The following EYA4 variants were observed in gnomAD, a reference collection of about 807,000 sequenced individuals.
EYA4 encodes protein phosphatase EYA4.
In EYA4, 31 loss-of-function variants were observed where a neutral mutation model predicts 87.9. The ratio of observed to expected loss-of-function variants is 0.35; its 90% CI spans 0.27 to 0.48. The LOEUF is 0.48. Among genes scored for constraint, EYA4 ranks in the 20% least tolerant of loss-of-function variants. EYA4 has a pLI of 0.99. For missense variants in EYA4, 678 were observed against 761.4 expected (o/e 0.89, Z 1.29); for synonymous variants, 263 against 270.6 (o/e 0.97, Z 0.28).
rs1456335374 is a variant in EYA4, at chr6:133,246,076, C to A, written c.-66+4327C>A. 1.3e-5 allele frequency among the ~76,000 whole-genome samples: 2 copies of A among 152,152 alleles called. 1 individual carries two copies. The highest frequency in any genetic ancestry group is 2.9e-5 in the Non-Finnish European group (2 of 68,018). ...TAAAATAGAAACCATTTTGTGTTAT[C>A]AAAACCACATTTATATAGTGATTTG... On this transcript the variant is annotated intron_variant, in intron 1 of 19. Coordinates refer to ENST00000355286, the MANE Select transcript of EYA4 (RefSeq NM_004100.5).
intron 11 of EYA4, among the ~76,000 whole-genome samples, chr6:133,477,498 T>C (rs1021866375): frequency 1.3e-5 from 2 of 152,118 alleles, no homozygotes; most frequent in Admixed American, 1.3e-4. Flanking sequence ...AAGTTCCTTG[T>C]GTATTTTGGA....
At chr6:133,312,382 G>GCACACACACA (rs78921867) in intron 2 of EYA4, among the ~76,000 whole-genome samples, 46 of 147,900 alleles carry the variant, frequency 3.1e-4, no homozygotes, top group African/African-American at 1.1e-3. Flanking sequence ...AGAGGCGCGT[G>GCACACACACA]CACACACACA....
intron 9 of EYA4, among the ~76,000 whole-genome samples, chr6:133,463,038 C>T (rs1050958188): frequency 1.3e-5 from 2 of 152,128 alleles, no homozygotes; most frequent in African/African-American, 2.4e-5. Flanking sequence ...AGCCAGACAC[C>T]AGGTCAGCCA....
rs543835016 is a variant in EYA4, at chr6:133,446,621, C to T, written c.84-9C>T. The T allele has an allele frequency of 1.2e-6, 2 of 1,613,834 alleles. No homozygotes were observed. Among genetic ancestry groups the T allele is most frequent in the Non-Finnish European group, 1.7e-6 (2 of 1,179,860 alleles). On this transcript the variant is annotated splice_polypyrimidine_tract_variant and intron_variant, in intron 3 of 19. Coordinates refer to ENST00000355286, the MANE Select transcript of EYA4 (RefSeq NM_004100.5). The stretch of plus-strand genomic sequence containing the variant: ...TTCAACTTTTCTCTGCTGCTTACTG[C>T]TCTACCAGGTCTATGGAAATGCAGG...
chr6:133,290,624 T>C (rs1778414323), intron 2 of EYA4, among the ~76,000 whole-genome samples: 1 of 152,202 alleles, frequency 6.6e-6, no homozygotes, highest in Non-Finnish European at 1.5e-5. Flanking sequence ...TTAAATGCCT[T>C]GCCCACTTAA....
At chr6:133,383,347 T>C (rs1583126676) in intron 3 of EYA4, among the ~76,000 whole-genome samples, 1 of 152,026 alleles carries the variant, frequency 6.6e-6, no homozygotes, top group East Asian at 1.9e-4. Flanking sequence ...AAACCCCATC[T>C]CTACAAAAAT....
At position 133,258,728 on chromosome 6, in the gene EYA4, C is replaced by T. The variant is rs539991673; in HGVS notation, c.-65-15988C>T. ...CTCTTCCCTTGGAAGAGTTCTTTCCCGGGGGCTTTTTAGGTCCAAGAGCAT... is the reference window on the plus strand; with the variant it reads ...CTCTTCCCTTGGAAGAGTTCTTTCCTGGGGGCTTTTTAGGTCCAAGAGCAT... On this transcript the variant is annotated intron_variant, in intron 1 of 19. Coordinates refer to ENST00000355286, the MANE Select transcript of EYA4 (RefSeq NM_004100.5). 1.7e-4 allele frequency among the ~76,000 whole-genome samples: 26 copies of T among 152,054 alleles called. No homozygotes were observed. In the East Asian group the frequency reaches 1.8e-3, roughly 10 times the overall value.
chr6:133,276,729 T>G (rs1191431918), intron 2 of EYA4, among the ~76,000 whole-genome samples: 1 of 152,148 alleles, frequency 6.6e-6, no homozygotes, highest in African/African-American at 2.4e-5. Flanking sequence ...CTCATAAATG[T>G]GCAAAGAGAT....
intron 3 of EYA4, among the ~76,000 whole-genome samples, chr6:133,428,457 T>C (rs1790871117): frequency 6.6e-6 from 1 of 152,026 alleles, no homozygotes; most frequent in South Asian, 2.1e-4. Flanking sequence ...CTTAAAATGG[T>C]TTCAACTACA....
intron 3 of EYA4, among the ~76,000 whole-genome samples, chr6:133,427,735 T>G (rs1790797324): frequency 6.6e-6 from 1 of 151,904 alleles, no homozygotes; most frequent in African/African-American, 2.4e-5. Context: ...GAGAAAAAAA[T>G]TAGGGTAATT....
At chr6:133,298,716 C>T (rs1279880471) in intron 2 of EYA4, among the ~76,000 whole-genome samples, 1 of 152,168 alleles carries the variant, frequency 6.6e-6, no homozygotes, top group African/African-American at 2.4e-5. Flanking sequence ...ATATAAAGTG[C>T]TCACAGCAGT....
At chr6:133,248,223 C>G (rs1774577361) in intron 1 of EYA4, 1 of 152,188 alleles carries the variant, frequency 6.6e-6, no homozygotes, top group Non-Finnish European at 1.5e-5. Context: ...CTTGACATGA[C>G]TTTAGATTTT....
intron 10 of EYA4, 62 bp downstream of exon 10, chr6:133,464,920 C>A: frequency 1.8e-6 from 2 of 1,112,962 alleles, no homozygotes; most frequent in Non-Finnish European, 2.7e-6. Context: ...AGAGTACTCT[C>A]AGGTTGCCAT....
chr6:133,365,184 G>T (rs1365789195), intron 2 of EYA4, among the ~76,000 whole-genome samples: 1 of 152,126 alleles, frequency 6.6e-6, no homozygotes. Context: ...TTGATCGCTT[G>T]GTTGGGTAAA....
chr6:133,423,038 T>C (rs1354687920), intron 3 of EYA4, among the ~76,000 whole-genome samples: 2 of 152,112 alleles, frequency 1.3e-5, no homozygotes, highest in African/African-American at 4.8e-5. Context: ...CTCAGCCTTT[T>C]TTTGGAGGGT....
intron 3 of EYA4, among the ~76,000 whole-genome samples, chr6:133,428,911 C>CTTTTCTTT (rs1790921100): frequency 2.1e-5 from 1 of 48,230 alleles, no homozygotes; most frequent in Non-Finnish European, 3.6e-5. Context: ...GATTTAGCTT[C>CTTTTCTTT]TTTTTTTTTT....
intron 3 of EYA4, among the ~76,000 whole-genome samples, chr6:133,399,885 G>T (rs1447306781): frequency 6.6e-6 from 1 of 152,132 alleles, no homozygotes; most frequent in Non-Finnish European, 1.5e-5. Flanking sequence ...TTAAATAAGA[G>T]AAAACACAAA....
intron 3 of EYA4, among the ~76,000 whole-genome samples, chr6:133,432,435 T>G (rs986035732): frequency 6.6e-6 from 1 of 152,138 alleles, no homozygotes; most frequent in African/African-American, 2.4e-5. Context: ...TTGTGAAGTA[T>G]TACACCAGAT....
intron 2 of EYA4, among the ~76,000 whole-genome samples, chr6:133,346,678 C>A (rs1356635135): frequency 6.6e-6 from 1 of 152,142 alleles, no homozygotes; most frequent in African/African-American, 2.4e-5. Flanking sequence ...GTCTTCCTAT[C>A]ACTTTCATCT....
Sources: allele counts gnomAD v4.1 joint callset (sites outside exome capture counted in the v4.1 genomes callset), GRCh38; gene constraint gnomAD v4.1.1; transcripts MANE v1.5; gene names NCBI Gene and HGNC (gene_info 2026-07-23, HGNC 2026-07-21).